Variants in CTNNA3 observed in about 807,000 individuals in gnomAD.
CTNNA3 encodes catenin alpha 3.
In CTNNA3, 76 loss-of-function variants were observed where a neutral mutation model predicts 95.7. The observed-to-expected ratio is 0.79, with a 90% CI of 0.66 to 0.96. CTNNA3 has a LOEUF of 0.96. CTNNA3 is among the 40% of genes least tolerant of loss of function. The pLI is 0.00. For synonymous variants in CTNNA3, 431 were observed against 374.4 expected (o/e 1.15, Z -1.74); for missense variants, 1,191 against 1,089.8 (o/e 1.09, Z -1.31).
chr10:67,718,635 C>A (rs959204775), intron 1 of CTNNA3, among the ~76,000 whole-genome samples: 1 of 152,132 alleles, frequency 6.6e-6, no homozygotes, highest in Admixed American at 6.5e-5. Flanking sequence ...GTTGAACGAG[C>A]CTTGCATCCC....
intron 3 of CTNNA3, among the ~76,000 whole-genome samples, chr10:67,554,590 T>G (rs1366167157): frequency 6.6e-6 from 1 of 152,230 alleles, no homozygotes; most frequent in Non-Finnish European, 1.5e-5. Context: ...CTTCACTTAC[T>G]GTTTGATGGG....
At chr10:66,839,064 T>G (rs543549927) in intron 7 of CTNNA3, among the ~76,000 whole-genome samples, 1 of 152,214 alleles carries the variant, frequency 6.6e-6, no homozygotes, top group East Asian at 1.9e-4. Flanking sequence ...GAGTAAGTTC[T>G]GAAAGAACAG....
chr10:66,442,870 C>A (rs1221900399), intron 11 of CTNNA3, among the ~76,000 whole-genome samples: 1 of 152,136 alleles, frequency 6.6e-6, no homozygotes, highest in Non-Finnish European at 1.5e-5. Context: ...CTGCCTCACT[C>A]GGGAAGCGCA....
At chr10:67,002,507 T>C (rs1851746254) in intron 7 of CTNNA3, among the ~76,000 whole-genome samples, 1 of 152,138 alleles carries the variant, frequency 6.6e-6, no homozygotes, top group Admixed American at 6.6e-5. Flanking sequence ...TATTTATGGT[T>C]GAGGAGCAGA....
At chr10:66,781,037 A>G (rs1355044242) in intron 7 of CTNNA3, among the ~76,000 whole-genome samples, 1 of 152,192 alleles carries the variant, frequency 6.6e-6, no homozygotes, top group Non-Finnish European at 1.5e-5. Context: ...TGAAAATAAA[A>G]GGAGACGTTT....
intron 1 of CTNNA3, among the ~76,000 whole-genome samples, chr10:67,739,895 T>C (rs560344754): frequency 7.5e-4 from 114 of 152,294 alleles, no homozygotes; most frequent in African/African-American, 2.6e-3. Context: ...TCGTGCTACC[T>C]GACTTCAAAC....
chr10:66,723,010 C>A (rs1848676570), intron 9 of CTNNA3, among the ~76,000 whole-genome samples: 1 of 152,112 alleles, frequency 6.6e-6, no homozygotes, highest in African/African-American at 2.4e-5. Context: ...TCTGCTCTAT[C>A]ATTCAGGAAA....
intron 11 of CTNNA3, among the ~76,000 whole-genome samples, chr10:66,402,396 AAG>A (rs35491903): frequency 0.22 from 33,170 of 152,080 alleles, 4,746 homozygotes; most frequent in African/African-American, 0.42. Flanking sequence ...CAGTACCAAA[AAG>A]AGTGTCAGGA....
At chr10:65,945,176 A>G (rs2077497679) in intron 17 of CTNNA3, among the ~76,000 whole-genome samples, 1 of 151,368 alleles carries the variant, frequency 6.6e-6, no homozygotes, top group South Asian at 2.1e-4. Flanking sequence ...ATATATATAT[A>G]GTGAGAGGGA....
At chr10:66,890,806 G>C (rs1032919489) in intron 7 of CTNNA3, among the ~76,000 whole-genome samples, 1 of 152,098 alleles carries the variant, frequency 6.6e-6, no homozygotes, top group Admixed American at 6.6e-5. Context: ...GATTTAGTAG[G>C]GAGAGAGAGA....
rs1046467004 is a variant in CTNNA3 at position 67,430,853 on chromosome 10, A to ACACACACACACC, written c.579+90988_579+90989insGGTGTGTGTGTG. On this transcript the variant is annotated intron_variant, in intron 5 of 17. Transcript: ENST00000433211. ...CACACACACACACACACACACACAC[A>ACACACACACACC]CCCTCACACATTTCGCCTAAAAAGA... Among the ~76,000 whole-genome samples, 182 of 150,046 alleles carry ACACACACACACC rather than the reference A, an allele frequency of 1.2e-3. 1 individual carries two copies. The highest frequency in any genetic ancestry group is 5.1e-3 in the Admixed American group (77 of 14,992).
chr10:66,200,995 CT>C (rs2087365772), intron 13 of CTNNA3, among the ~76,000 whole-genome samples: 1 of 152,160 alleles, frequency 6.6e-6, no homozygotes, highest in Non-Finnish European at 1.5e-5. Context: ...ATGTGACACC[CT>C]GAAACTCAGT....
rs188598743 is a variant in CTNNA3 at position 66,298,692 on chromosome 10, A to G, written c.1733-18071T>C. ...ATCATGTCTTCTCCTTCCCCATAGTATCTATAGACAGAGAGTTGGCAAGTG... is the reference window on the plus strand; with the variant it reads ...ATCATGTCTTCTCCTTCCCCATAGTGTCTATAGACAGAGAGTTGGCAAGTG... On this transcript the variant is annotated intron_variant, in intron 12 of 17. Coordinates refer to ENST00000433211, the MANE Select transcript of CTNNA3 (RefSeq NM_013266.4). 2.0e-3 allele frequency among the ~76,000 whole-genome samples: 303 copies of G among 152,208 alleles called. 2 individuals are homozygous for G. The highest frequency in any genetic ancestry group is 7.0e-3 in the African/African-American group (291 of 41,536).
chr10:67,047,727 TATTAC>T (rs920635071), intron 7 of CTNNA3, among the ~76,000 whole-genome samples: 3 of 152,220 alleles, frequency 2.0e-5, no homozygotes, highest in African/African-American at 7.2e-5. Flanking sequence ...GTGTAAAAGC[TATTAC>T]ATTAAATTAA....
intron 5 of CTNNA3, among the ~76,000 whole-genome samples, chr10:67,448,783 A>G (rs1011927063): frequency 9.3e-5 from 14 of 149,770 alleles, no homozygotes; most frequent in African/African-American, 3.4e-4. Context: ...TTTCTTATCA[A>G]AAACTTGATA....
At chr10:66,442,303 G>C (rs1335204486) in intron 11 of CTNNA3, among the ~76,000 whole-genome samples, 2 of 152,048 alleles carry the variant, frequency 1.3e-5, no homozygotes, top group Non-Finnish European at 2.9e-5. Context: ...GAAGGTCCTG[G>C]AACCAACCCC....
At chr10:66,211,298 T>G (rs1183297442) in intron 13 of CTNNA3, among the ~76,000 whole-genome samples, 4 of 152,160 alleles carry the variant, frequency 2.6e-5, no homozygotes, top group African/African-American at 9.7e-5. Flanking sequence ...ATATGAGTAA[T>G]GTTACACTTC....
At chr10:66,166,195 C>T (rs903088231) in intron 13 of CTNNA3, among the ~76,000 whole-genome samples, 2 of 152,036 alleles carry the variant, frequency 1.3e-5, no homozygotes, top group South Asian at 2.1e-4. Flanking sequence ...ATAGCTCACA[C>T]CTATAATCCC....
At chr10:66,259,658 T>C (rs2090922884) in intron 13 of CTNNA3, among the ~76,000 whole-genome samples, 1 of 152,194 alleles carries the variant, frequency 6.6e-6, no homozygotes. Flanking sequence ...AGAAGAGGAT[T>C]TGAGGTTTCC....
Sources: gnomAD v4.1 joint callset for allele counts (sites outside exome capture counted in the v4.1 genomes callset) on GRCh38, gnomAD v4.1.1 for gene constraint, MANE v1.5 for transcripts, NCBI Gene and HGNC (gene_info 2026-07-23, HGNC 2026-07-21) for gene names.